Variants in TOPBP1 observed in about 807,000 individuals in gnomAD.
TOPBP1 encodes DNA topoisomerase II binding protein 1, also known as DNA topoisomerase 2-binding protein 1.
In TOPBP1, 28 loss-of-function variants were observed where a neutral mutation model predicts 167.7. The observed-to-expected ratio is 0.17, with a 90% CI of 0.12 to 0.23. The LOEUF is 0.23. Among genes scored for constraint, TOPBP1 ranks in the 10% least tolerant of loss-of-function variants. TOPBP1 has a pLI of 1.00. For missense variants in TOPBP1, 1,554 were observed against 1,809.6 expected (o/e 0.86, Z 2.56); for synonymous variants, 598 against 611.4 (o/e 0.98, Z 0.32).
chr3:133,608,050 G>A lies in TOPBP1; in HGVS notation c.4425+485C>T, dbSNP rs569489798. ...CTGATGGCCTTTTGGGCACTCTGGT[G>A]TCAGAAGATTTTTCTTACCCCATTC... is the stretch of plus-strand genomic sequence containing the variant. On this transcript the variant is annotated intron_variant, in intron 27 of 27. Coordinates refer to ENST00000260810, the MANE Select transcript of TOPBP1 (RefSeq NM_007027.4). Among the ~76,000 whole-genome samples the A allele has an allele frequency of 3.9e-5, 6 of 152,276 alleles. No individual in the cohort carries two copies. The East Asian group carries it at 7.7e-4, about 20-fold the overall frequency.
At chr3:133,635,727 T>C (rs1020021795) in intron 14 of TOPBP1, among the ~76,000 whole-genome samples, 25 of 152,158 alleles carry the variant, frequency 1.6e-4, no homozygotes, top group African/African-American at 5.3e-4. Flanking sequence ...GGCAAAAAAT[T>C]TGTCATTCTC....
rs1192019166 is a variant in TOPBP1 at position 133,611,153 on chromosome 3, G to T, written c.4036-12C>A. The T allele has an allele frequency of 6.2e-7, 1 of 1,605,786 alleles. No individual in the cohort carries two copies. The highest frequency in any genetic ancestry group is 2.2e-5 in the East Asian group (1 of 44,786). ...TCATAGTCTTCTTCCTAGAGAATTT[G>T]TCCAACAAACCTGAGTTGTTACAGT... On this transcript the variant is annotated splice_polypyrimidine_tract_variant and intron_variant, in intron 24 of 27. Transcript: ENST00000260810.
intron 10 of TOPBP1, among the ~76,000 whole-genome samples, chr3:133,645,218 A>G (rs1936034582): frequency 6.6e-6 from 1 of 152,216 alleles, no homozygotes; most frequent in South Asian, 2.1e-4. Context: ...GTACACTGCA[A>G]TATATATTAG....
In TOPBP1 at chr3:133,649,787, C is replaced by T. The variant is rs768336303; in HGVS notation, c.1246G>A (p.Ala416Thr). The T allele has an allele frequency of 6.3e-7, 1 of 1,592,602 alleles. No individual in the cohort carries two copies. The highest frequency in any genetic ancestry group is 1.9e-5 in the Admixed American group (1 of 53,320). The change falls in exon 9 of 28, where the codon GCC (alanine) becomes ACC (threonine). Residue 416 changes from alanine to threonine, a missense_variant. Physicochemically the swap from Ala to Thr is moderately conservative, Grantham distance 58. Around this residue, in one of 3 missense-constraint regions of TOPBP1, gnomAD observed 1,197 missense variants for 1,351.5 expected, o/e 0.89. Transcript: ENST00000260810. ...DELKQFWNKSAHRPHVVGAKW... is the reference protein window; with the variant it reads ...DELKQFWNKSTHRPHVVGAKW... ...ATTAAAAACGAAAAAAACCTGTGGG[C>T]TGATTTATTCCAAAACTGCTTCAAT...
chr3:133,646,156 C>CA (rs1258693392), intron 10 of TOPBP1, among the ~76,000 whole-genome samples: 1 of 151,110 alleles, frequency 6.6e-6, no homozygotes, highest in Non-Finnish European at 1.5e-5. Context: ...AAAAAAAAAA[C>CA]AAAAAACTCC....
intron 13 of TOPBP1, among the ~76,000 whole-genome samples, chr3:133,639,415 A>G (rs187683897): frequency 1.1e-4 from 17 of 152,234 alleles, no homozygotes; most frequent in African/African-American, 3.9e-4. Context: ...GAACAGACAC[A>G]GGGCAGGGAA....
chr3:133,641,826 A>C (rs1466729090), intron 12 of TOPBP1, among the ~76,000 whole-genome samples: 1 of 152,230 alleles, frequency 6.6e-6, no homozygotes, highest in Non-Finnish European at 1.5e-5. Flanking sequence ...CATATAATTC[A>C]AACAGAAAAC....
At chr3:133,658,001 A>AT (rs1936539191) in intron 3 of TOPBP1, 60 bp from the exon 4 acceptor site, 7 of 1,361,302 alleles carry the variant, frequency 5.1e-6, no homozygotes, top group Non-Finnish European at 6.7e-6. Context: ...GTCTTACAAA[A>AT]TTACATTTTG....
At chr3:133,648,300 A>C (rs1354145033) in intron 10 of TOPBP1, among the ~76,000 whole-genome samples, 2 of 152,268 alleles carry the variant, frequency 1.3e-5, no homozygotes, top group African/African-American at 2.4e-5. Context: ...AAATGATTCC[A>C]AAAGAGAGGT....
intron 21 of TOPBP1, 35 bp from the exon 22 acceptor site, chr3:133,617,361 C>A (rs765950484): frequency 5.9e-6 from 9 of 1,521,986 alleles, no homozygotes; most frequent in Middle Eastern, 1.8e-4. Flanking sequence ...GTGACAGGAT[C>A]CAAATAAGAC....
At chr3:133,619,280 T>C (rs1246100700) in intron 20 of TOPBP1, among the ~76,000 whole-genome samples, 1 of 152,180 alleles carries the variant, frequency 6.6e-6, no homozygotes, top group Non-Finnish European at 1.5e-5. Flanking sequence ...TTAGGTTCTC[T>C]ATAATGATAA....
At position 133,623,300 on chromosome 3, in the gene TOPBP1, A is replaced by G; in HGVS notation, c.3075+11T>C. On this transcript the variant is annotated intron_variant, in intron 18 of 27. Transcript: ENST00000260810. ...TTAAGAGGGGGTAAATGTATCATCC[A>G]TATCTCCTACCTCATCATCCTTTGT... is the stretch of plus-strand genomic sequence containing the variant. The G allele has an allele frequency of 2.5e-6, 4 of 1,613,542 alleles. No homozygotes were observed. The highest frequency in any genetic ancestry group is 2.2e-5 in the South Asian group (2 of 90,994).
Position 133,655,321 on chromosome 3 carries a change from T to C in TOPBP1, c.711A>G (p.Glu237=). The C allele has an allele frequency of 6.4e-7, 1 of 1,566,932 alleles. No homozygotes were observed. The highest frequency in any genetic ancestry group is 8.6e-7 in the Non-Finnish European group (1 of 1,157,406). Reference sequence around the variant, plus strand: ...GTTCTTGCACAATGAGGTGTGTACATTCATTCATTTTCAATTGTCCCATGT... The same window carrying C: ...GTTCTTGCACAATGAGGTGTGTACACTCATTCATTTTCAATTGTCCCATGT... The part of the protein sequence containing the change: ...GQYMGQLKMN[E]CTHLIVQEPK... Residue 237 remains glutamate (E), a synonymous_variant, in exon 6 of 28, where the codon GAA becomes GAG. Coordinates refer to ENST00000260810, the MANE Select transcript of TOPBP1 (RefSeq NM_007027.4).
intron 10 of TOPBP1, among the ~76,000 whole-genome samples, chr3:133,648,364 A>G (rs1936154285): frequency 1.3e-5 from 2 of 152,270 alleles, no homozygotes; most frequent in African/African-American, 4.8e-5. Flanking sequence ...CGTGTTAGTA[A>G]ATGAAACAAA....
At position 133,655,968 on chromosome 3, in the gene TOPBP1, T is replaced by C. The variant is rs141662687; in HGVS notation, c.546-482A>G. Among the ~76,000 whole-genome samples the C allele has an allele frequency of 3.2e-4, 49 of 152,138 alleles. No homozygotes were observed. In the East Asian group the frequency reaches 8.9e-3, roughly 28 times the overall value. ...TAATCACATTGGGAATGAGAGTTGC[T>C]GACATGGAGACATATTTGGGATATG... On this transcript the variant is annotated intron_variant, in intron 5 of 27. Coordinates refer to ENST00000260810, the MANE Select transcript of TOPBP1 (RefSeq NM_007027.4).
chr3:133,610,908 CA>C, intron 25 of TOPBP1, 95 bp downstream of exon 25: 10 of 1,322,800 alleles, frequency 7.6e-6, no homozygotes, highest in Non-Finnish European at 1.0e-5. Context: ...CAAGTAGAAT[CA>C]TTATTTCCTG....
chr3:133,605,991 G>T (rs1014800655), intron 27 of TOPBP1, among the ~76,000 whole-genome samples: 2 of 152,050 alleles, frequency 1.3e-5, no homozygotes, highest in African/African-American at 4.8e-5. Context: ...AGACCAGCCT[G>T]GGCAACCTGG....
In TOPBP1 at chr3:133,651,076, G is replaced by A. The variant is rs1281041784; in HGVS notation, c.1090-1133C>T. Among the ~76,000 whole-genome samples the A allele has an allele frequency of 3.4e-5, 5 of 146,776 alleles. No homozygotes were observed. In the East Asian group the frequency reaches 8.0e-4, roughly 24 times the overall value. On this transcript the variant is annotated intron_variant, in intron 8 of 27. Transcript: ENST00000260810. Reference sequence around the variant, plus strand: ...CACGCCACTGCACTCCAGCCTGGGCGACAGAGCAAGTCTCCGTCTCAAAAC... The same window carrying A: ...CACGCCACTGCACTCCAGCCTGGGCAACAGAGCAAGTCTCCGTCTCAAAAC...
intron 14 of TOPBP1, among the ~76,000 whole-genome samples, chr3:133,634,665 AT>A (rs1317850494): frequency 6.6e-6 from 1 of 152,230 alleles, no homozygotes; most frequent in Non-Finnish European, 1.5e-5. Context: ...GTGGAAGAGC[AT>A]TTTCAGGAAA....
Sources: gnomAD v4.1 joint callset for allele counts (sites outside exome capture counted in the v4.1 genomes callset) on GRCh38, gnomAD v4.1.1 for gene constraint, gnomAD v4.1.1 regional missense constraint, MANE v1.5 for transcripts, NCBI Gene and HGNC (gene_info 2026-07-23, HGNC 2026-07-21) for gene names.